DMD: variants seen among roughly 807,000 people sequenced by gnomAD.
DMD encodes the protein dystrophin, also known as mutant dystrophin.
Under a neutral mutation model 330.1 loss-of-function variants are expected in DMD, and 63 were observed. The ratio of observed to expected loss-of-function variants is 0.19; its 90% CI spans 0.16 to 0.24. DMD has a LOEUF of 0.24. Among genes scored for constraint, DMD ranks in the 10% least tolerant of loss-of-function variants. The pLI, the probability that DMD is intolerant of heterozygous loss-of-function variation, is 1.00. For missense variants in DMD, 3,344 were observed against 2,684.1 expected (o/e 1.25, Z -5.43); for synonymous variants, 1,223 against 959.8 (o/e 1.27, Z -5.07).
chrX:32,621,452 TAAG>T (rs995071922), intron 11 of DMD, among the ~76,000 whole-genome samples: 2 of 109,757 alleles, frequency 1.8e-5, no homozygotes, highest in African/African-American at 6.7e-5. Flanking sequence ...GATTGACCAA[TAAG>T]AAGAGATGTA....
In DMD at chrX:32,485,116, G is replaced by A. The variant is rs2148584931; in HGVS notation, c.2623-17C>T. ...GACTTCATCCTGTGCCATAGAGTAT[G>A]GAAAGTAAGTAACACGTTTACTTTG... On this transcript the variant is annotated splice_polypyrimidine_tract_variant and intron_variant, in intron 20 of 78. Transcript: ENST00000357033. The A allele has an allele frequency of 8.3e-7, 1 of 1,197,649 alleles. No individual in the cohort carries two copies. The highest frequency in any genetic ancestry group is 1.1e-6 in the Non-Finnish European group (1 of 883,007).
chrX:31,331,923 C>A (rs2057147277), intron 61 of DMD, among the ~76,000 whole-genome samples: 1 of 111,884 alleles, frequency 8.9e-6, no homozygotes, highest in African/African-American at 3.3e-5. Flanking sequence ...GGATGTACAT[C>A]CATTAGAAAG....
chrX:32,386,547 TC>T, intron 32 of DMD, 82 bp from the exon 33 acceptor site: 4 of 869,326 alleles, frequency 4.6e-6, no homozygotes, highest in Non-Finnish European at 4.9e-6. Context: ...TAAATAGAGA[TC>T]CCCTTAATTG....
intron 49 of DMD, among the ~76,000 whole-genome samples, chrX:31,829,645 A>C (rs2092975845): frequency 9.4e-6 from 1 of 106,445 alleles, no homozygotes; most frequent in Admixed American, 9.9e-5. Context: ...GTATTTGTTT[A>C]ATACAATCAT....
intron 50 of DMD, among the ~76,000 whole-genome samples, chrX:31,793,688 A>G: frequency 8.9e-6 from 1 of 111,980 alleles, no homozygotes; most frequent in Non-Finnish European, 1.9e-5. Flanking sequence ...TGAACATGAA[A>G]AGCAGAACAG....
chrX:32,331,745 A>G (rs886899976), intron 41 of DMD, among the ~76,000 whole-genome samples: 4 of 111,806 alleles, frequency 3.6e-5, no homozygotes, highest in Non-Finnish European at 7.5e-5. Context: ...TGACACATTT[A>G]TTCTACTATT....
chrX:32,470,261 T>C (rs778915319), intron 22 of DMD, among the ~76,000 whole-genome samples: 2 of 111,670 alleles, frequency 1.8e-5, no homozygotes, highest in African/African-American at 6.5e-5. Context: ...CTTGGTATCA[T>C]ATTTCTTTAA....
chrX:31,333,098 C>A (rs5972375), intron 61 of DMD, among the ~76,000 whole-genome samples: 3 of 111,396 alleles, frequency 2.7e-5, no homozygotes. Flanking sequence ...AAAACATGAA[C>A]GGAGACAAAT....
chrX:33,176,445 C>A (rs182177293), intron 1 of DMD, among the ~76,000 whole-genome samples: 13 of 107,390 alleles, frequency 1.2e-4, no homozygotes, highest in Non-Finnish European at 2.3e-4. Flanking sequence ...ACCAGGTATA[C>A]GTATAATTAT....
At chrX:31,621,154 G>A (rs1216237476) in intron 55 of DMD, among the ~76,000 whole-genome samples, 2 of 111,737 alleles carry the variant, frequency 1.8e-5, no homozygotes, top group African/African-American at 6.5e-5. Flanking sequence ...ATTGAGTGAA[G>A]ACACTACCTT....
chrX:33,045,362 C>A (rs1029778022), intron 1 of DMD, among the ~76,000 whole-genome samples: 1 of 85,388 alleles, frequency 1.2e-5, no homozygotes, highest in African/African-American at 3.9e-5. Flanking sequence ...AGATTGTAAC[C>A]ACATTCTTAA....
At chrX:31,570,577 AT>A (rs2075755199) in intron 55 of DMD, among the ~76,000 whole-genome samples, 1 of 111,573 alleles carries the variant, frequency 9.0e-6, no homozygotes, top group Non-Finnish European at 1.9e-5. Context: ...GAGAAAACAC[AT>A]TATTATCTGA....
rs371561958 is a variant in DMD, at chrX:32,301,383, G to C, written c.6117+8699C>G. On this transcript the variant is annotated intron_variant, in intron 42 of 78. Coordinates refer to ENST00000357033, the MANE Select transcript of DMD (RefSeq NM_004006.3). ...CTGTGGTTTGGCAAATTAAATTTGG[G>C]AATTGGTGTCTGTTAATCATACGTG... 2.9e-3 allele frequency among the ~76,000 whole-genome samples: 319 copies of C among 110,081 alleles called. 1 individual carries two copies. The highest frequency in any genetic ancestry group is 1.0e-2 in the African/African-American group (305 of 30,524).
At chrX:32,819,000 C>T (rs1464363573) in intron 5 of DMD, among the ~76,000 whole-genome samples, 3 of 84,375 alleles carry the variant, frequency 3.6e-5, no homozygotes, top group African/African-American at 5.0e-5. Flanking sequence ...TGCCCTTCTA[C>T]AGGTGTTTTT....
At chrX:32,253,494 T>C (rs2097285344) in intron 43 of DMD, among the ~76,000 whole-genome samples, 1 of 111,460 alleles carries the variant, frequency 9.0e-6, no homozygotes, top group African/African-American at 3.3e-5. Context: ...AGATGTTTAT[T>C]TGGTGACAAT....
intron 44 of DMD, among the ~76,000 whole-genome samples, chrX:32,189,219 C>A (rs1032012076): frequency 9.1e-6 from 1 of 109,762 alleles, no homozygotes; most frequent in African/African-American, 3.3e-5. Context: ...GTTATCATTA[C>A]TATTATTATT....
chrX:32,565,774 C>T lies in DMD; in HGVS notation c.1920G>A (p.Thr640=), dbSNP rs766895256. The change falls in exon 16 of 79, where the codon ACG becomes ACA. Residue 640 remains threonine, a synonymous_variant. Transcript: ENST00000357033. ...GGGCAAAGTTATCCAGCCATGCTTC[C>T]GTCTTCTGGGTCACTGACTTATTCT... The part of the protein sequence containing the change: ...TLKNKSVTQK[T]EAWLDNFARC... The T allele has an allele frequency of 1.5e-5, 18 of 1,209,738 alleles. No individual in the cohort carries two copies. Among genetic ancestry groups the T allele is most frequent in the South Asian group, 1.1e-4 (6 of 56,871 alleles).
At chrX:33,235,485 C>G (rs1011152991) in intron 1 of DMD, among the ~76,000 whole-genome samples, 1 of 112,019 alleles carries the variant, frequency 8.9e-6, no homozygotes, top group Admixed American at 9.4e-5. Context: ...TAGTGTATAG[C>G]GTTTAGGGGT....
At chrX:31,164,142 G>A (rs979105668) in intron 74 of DMD, among the ~76,000 whole-genome samples, 18 of 111,718 alleles carry the variant, frequency 1.6e-4, no homozygotes, top group Non-Finnish European at 2.6e-4. Flanking sequence ...CACATCTTCC[G>A]GAGTTCTACC....
Sources: allele counts gnomAD v4.1 joint callset (sites outside exome capture counted in the v4.1 genomes callset), GRCh38; gene constraint gnomAD v4.1.1; transcripts MANE v1.5; gene names NCBI Gene and HGNC (gene_info 2026-07-23, HGNC 2026-07-21).